The following ZNF507 variants were observed in gnomAD, a reference collection of about 807,000 sequenced individuals.
ZNF507 encodes zinc finger protein 507.
ZNF507 carries 29 observed loss-of-function variants against 80.0 expected under a neutral mutation model. The observed-to-expected ratio is 0.36, with a 90% CI of 0.27 to 0.49. The LOEUF is 0.49. ZNF507 is among the 20% of genes least tolerant of loss of function. ZNF507 has a pLI of 0.98. For synonymous variants in ZNF507, 462 were observed against 422.5 expected (o/e 1.09, Z -1.15); for missense variants, 1,081 against 1,152.2 (o/e 0.94, Z 0.90).
At chr19:32,346,813 CACT>C (rs796448216) in intron 1 of ZNF507, among the ~76,000 whole-genome samples, 4 of 152,260 alleles carry the variant, frequency 2.6e-5, no homozygotes, top group African/African-American at 9.6e-5. Flanking sequence ...TAGGTCACAC[CACT>C]GTGTCATATC....
Position 32,386,734 on chromosome 19 carries a change from T to G in ZNF507, c.*3651T>G, listed in dbSNP as rs112825888. On this transcript the variant is annotated 3_prime_UTR_variant, in exon 7 of 7. Coordinates refer to ENST00000355898, the MANE Select transcript of ZNF507 (RefSeq NM_001136156.2). ...ACAGTGAGGCAAGGTCTGTAGTGCT[T>G]CTTTAACTACCTTTGGAAATACTGT... 3.9e-5 allele frequency: 6 copies of G among 152,594 alleles called. No homozygotes were observed. The highest frequency in any genetic ancestry group is 7.3e-5 in the Non-Finnish European group (5 of 68,048). The allele number at this position is 152,594 out of a possible 1,614,324, so 9.5% of individuals were successfully genotyped here.
rs1376236007 is a variant in ZNF507, at chr19:32,386,407, G to A, written c.*3324G>A. On this transcript the variant is annotated 3_prime_UTR_variant, in exon 7 of 7. Coordinates refer to ENST00000355898, the MANE Select transcript of ZNF507 (RefSeq NM_001136156.2). ...TTAATCTTTTTAAATTGTACAGCAA[G>A]GTGCTCTAAGTAATATTCGATAAAA... is the stretch of plus-strand genomic sequence containing the variant. 3 of 152,472 alleles carry A rather than the reference G, an allele frequency of 2.0e-5. No individual in the cohort carries two copies. The highest frequency in any genetic ancestry group is 7.2e-5 in the African/African-American group (3 of 41,404). The allele number at this position is 152,472 out of a possible 1,614,324, so 9.4% of individuals were successfully genotyped here. A position where few individuals can be genotyped will look rare whatever the true frequency, so the allele number is the denominator to read the frequency against.
At chr19:32,362,579 G>C (rs1967343471) in intron 5 of ZNF507, among the ~76,000 whole-genome samples, 1 of 152,212 alleles carries the variant, frequency 6.6e-6, no homozygotes, top group Non-Finnish European at 1.5e-5. Context: ...AGCGATTCTA[G>C]TTCTGTTGAA....
rs933956266 is a variant in ZNF507 at position 32,345,657 on chromosome 19, G to C, written c.-223G>C. 2 of 152,894 alleles carry C rather than the reference G, an allele frequency of 1.3e-5. No individual in the cohort carries two copies. The highest frequency in any genetic ancestry group is 6.5e-5 in the Admixed American group (1 of 15,314). 9.5% of individuals were successfully genotyped at this position (152,894 alleles called of 1,614,324 possible). ...CCATTTTGGAGCTCCGGATGAGGAG[G>C]GGGAAACCGGGGGAAAAGAGGGAAA... On this transcript the variant is annotated 5_prime_UTR_variant, in exon 1 of 7. Transcript: ENST00000355898.
At chr19:32,365,854 A>G (rs1967391308) in intron 5 of ZNF507, among the ~76,000 whole-genome samples, 1 of 152,200 alleles carries the variant, frequency 6.6e-6, no homozygotes, top group Non-Finnish European at 1.5e-5. Flanking sequence ...TACTCCACAC[A>G]CTGCCCGGGA....
intron 1 of ZNF507, among the ~76,000 whole-genome samples, chr19:32,346,010 C>T (rs1568300308): frequency 6.6e-6 from 1 of 152,242 alleles, no homozygotes; most frequent in Non-Finnish European, 1.5e-5. Flanking sequence ...GAACTTGCTG[C>T]TCCCTGCATA....
intron 2 of ZNF507, among the ~76,000 whole-genome samples, chr19:32,349,844 C>T (rs1967139764): frequency 6.6e-6 from 1 of 152,138 alleles, no homozygotes; most frequent in Non-Finnish European, 1.5e-5. Flanking sequence ...AGGTACTCAT[C>T]ATGCAACTTC....
intron 2 of ZNF507, among the ~76,000 whole-genome samples, chr19:32,349,623 C>T (rs550455705): frequency 1.3e-5 from 2 of 152,172 alleles, no homozygotes; most frequent in African/African-American, 2.4e-5. Flanking sequence ...GCGCCTTGCA[C>T]ATAACAATTT....
intron 5 of ZNF507, among the ~76,000 whole-genome samples, chr19:32,366,363 C>T (rs1479771927): frequency 1.3e-5 from 2 of 152,220 alleles, no homozygotes; most frequent in Non-Finnish European, 2.9e-5. Flanking sequence ...GCCTTCCAGT[C>T]ATTACCCACC....
chr19:32,377,245 C>A (rs1208441835), intron 5 of ZNF507, among the ~76,000 whole-genome samples: 2 of 152,154 alleles, frequency 1.3e-5, no homozygotes, highest in African/African-American at 4.8e-5. Context: ...TACCGCTAGA[C>A]CATGGTCCGC....
At chr19:32,377,245 C>G (rs1208441835) in intron 5 of ZNF507, among the ~76,000 whole-genome samples, 2 of 152,154 alleles carry the variant, frequency 1.3e-5, no homozygotes, top group Non-Finnish European at 2.9e-5. Flanking sequence ...TACCGCTAGA[C>G]CATGGTCCGC....
chr19:32,380,736 A>G (rs894166314), intron 5 of ZNF507: 6 of 977,136 alleles, frequency 6.1e-6, no homozygotes, highest in Non-Finnish European at 9.4e-6. Context: ...CGACCCAGCA[A>G]TTATGCTCCT....
At chr19:32,381,243 G>A (rs2145345771) in intron 5 of ZNF507, among the ~76,000 whole-genome samples, 1 of 152,234 alleles carries the variant, frequency 6.6e-6, no homozygotes, top group South Asian at 2.1e-4. Flanking sequence ...TGGAGTACAG[G>A]GCATTTTTAG....
intron 2 of ZNF507, among the ~76,000 whole-genome samples, chr19:32,349,239 T>C (rs1297428673): frequency 6.6e-6 from 1 of 152,218 alleles, no homozygotes; most frequent in Non-Finnish European, 1.5e-5. Flanking sequence ...TGGTTCTTCA[T>C]TGGCTGACCT....
intron 5 of ZNF507, among the ~76,000 whole-genome samples, chr19:32,373,217 G>A (rs1256155062): frequency 7.0e-6 from 1 of 142,324 alleles, no homozygotes; most frequent in Non-Finnish European, 1.5e-5. Flanking sequence ...AGGAATTTCG[G>A]GGGGGGCACA....
rs1967203920 is a variant in ZNF507 at position 32,353,672 on chromosome 19, TTGAAAA to T, written c.853_858del (p.Asn285_Glu286del). On this transcript the variant is annotated inframe_deletion, in exon 3 of 7. Transcript: ENST00000355898. The stretch of plus-strand genomic sequence containing the variant: ...GAGGTTGATTGCTCCTATCCAATCT[TTGAAAA>T]TGAAAATGAACCCCTAGGCCTGCTG... 6.2e-7 allele frequency: 1 copy of T among 1,614,064 alleles called. No individual in the cohort carries two copies. Among genetic ancestry groups the T allele is most frequent in the Admixed American group, 1.7e-5 (1 of 60,008 alleles).
intron 5 of ZNF507, among the ~76,000 whole-genome samples, chr19:32,367,992 A>G (rs1424416077): frequency 6.6e-6 from 1 of 152,176 alleles, no homozygotes; most frequent in Non-Finnish European, 1.5e-5. Flanking sequence ...TACTACCCCA[A>G]TTTTGTAGAC....
At chr19:32,364,387 T>G (rs964213341) in intron 5 of ZNF507, among the ~76,000 whole-genome samples, 6 of 152,178 alleles carry the variant, frequency 3.9e-5, no homozygotes, top group South Asian at 2.1e-4. Flanking sequence ...TTTGGTTACA[T>G]GAGTAAGTTC....
At chr19:32,351,475 T>TG (rs1301640272) in intron 2 of ZNF507, among the ~76,000 whole-genome samples, 1 of 23,780 alleles carries the variant, frequency 4.2e-5, no homozygotes, top group Non-Finnish European at 8.4e-5. Context: ...GTGTGTGGCG[T>TG]GGGGGGGCGG....
Sources: gnomAD v4.1 joint callset for allele counts (sites outside exome capture counted in the v4.1 genomes callset) on GRCh38, gnomAD v4.1.1 for gene constraint, MANE v1.5 for transcripts, NCBI Gene and HGNC (gene_info 2026-07-23, HGNC 2026-07-21) for gene names.